SFMBT2: variants seen among roughly 807,000 people sequenced by gnomAD.
The protein encoded by SFMBT2 is scm-like with four MBT domains protein 2.
SFMBT2 carries 38 observed loss-of-function variants against 110.1 expected under a neutral mutation model. That is an observed-to-expected ratio of 0.35 (90% CI 0.27 to 0.45). SFMBT2 has a LOEUF of 0.45. Ranked by LOEUF, SFMBT2 falls within the 20% of genes least tolerant of loss-of-function variation. The pLI, the probability that SFMBT2 is intolerant of heterozygous loss-of-function variation, is 1.00. For missense variants in SFMBT2, 1,011 were observed against 1,094.9 expected (o/e 0.92, Z 1.08); for synonymous variants, 425 against 425.4 (o/e 1.00, Z 0.01).
At chr10:7,185,778 C>T (rs1838384117) in intron 16 of SFMBT2, among the ~76,000 whole-genome samples, 1 of 152,074 alleles carries the variant, frequency 6.6e-6, no homozygotes, top group Admixed American at 6.5e-5. Flanking sequence ...GATTCTGTAA[C>T]ATGCTGAAAA....
chr10:7,250,050 A>C (rs965969810), intron 7 of SFMBT2, among the ~76,000 whole-genome samples: 1 of 152,244 alleles, frequency 6.6e-6, no homozygotes, highest in African/African-American at 2.4e-5. Context: ...ATGCAGAAGG[A>C]AAAGTACAAG....
At chr10:7,340,454 A>T (rs949829861) in intron 4 of SFMBT2, among the ~76,000 whole-genome samples, 1 of 152,004 alleles carries the variant, frequency 6.6e-6, no homozygotes, top group African/African-American at 2.4e-5. Context: ...CTCCATCCCC[A>T]TTCCCCAGCT....
chr10:7,323,979 T>C (rs1051030870), intron 4 of SFMBT2, among the ~76,000 whole-genome samples: 5 of 152,216 alleles, frequency 3.3e-5, no homozygotes, highest in African/African-American at 1.2e-4. Context: ...TATATGGCTA[T>C]TTAAAATGTT....
chr10:7,295,164 GA>G (rs1302764356), intron 4 of SFMBT2: 4 of 152,116 alleles, frequency 2.6e-5, no homozygotes, highest in African/African-American at 9.7e-5. Context: ...ATCTTCCATA[GA>G]ATTATAATTC....
intron 7 of SFMBT2, among the ~76,000 whole-genome samples, chr10:7,272,462 G>A (rs1313507742): frequency 3.9e-5 from 6 of 152,186 alleles, no homozygotes; most frequent in Non-Finnish European, 5.9e-5. Context: ...AGATATGTCC[G>A]AAACCGGGGG....
At chr10:7,246,258 C>T in intron 8 of SFMBT2, 2 of 684,366 alleles carry the variant, frequency 2.9e-6, no homozygotes, top group African/African-American at 1.9e-5. Flanking sequence ...TCCCTCCCCT[C>T]AATAAGATCT....
intron 9 of SFMBT2, among the ~76,000 whole-genome samples, chr10:7,232,944 T>C (rs1428814374): frequency 6.6e-6 from 1 of 151,930 alleles, no homozygotes. Flanking sequence ...CTGGAGGAAG[T>C]GAATCAGGAC....
At chr10:7,221,714 C>G (rs1839747431) in intron 10 of SFMBT2, among the ~76,000 whole-genome samples, 1 of 151,344 alleles carries the variant, frequency 6.6e-6, no homozygotes, top group African/African-American at 2.4e-5. Flanking sequence ...TTGTTTATTG[C>G]TAATTTTGTT....
At position 7,317,589 on chromosome 10, in the gene SFMBT2, G is replaced by A. The variant is rs139040954; in HGVS notation, c.437-31635C>T. Among the ~76,000 whole-genome samples, 341 of 132,004 alleles carry A rather than the reference G, an allele frequency of 2.6e-3. No individual in the cohort carries two copies. In the Middle Eastern group the frequency reaches 0.031, roughly 12 times the overall value. 86.6% of individuals were successfully genotyped at this position (132,004 alleles called of 152,430 possible). On this transcript the variant is annotated intron_variant, in intron 4 of 20. Transcript: ENST00000397167. Reference sequence around the variant, plus strand: ...TCAGGAGGCGGAGGTTGCGGTGAGCGAAGATCATGCCACTGCACTCGAGCC... The same window carrying A: ...TCAGGAGGCGGAGGTTGCGGTGAGCAAAGATCATGCCACTGCACTCGAGCC...
intron 4 of SFMBT2, among the ~76,000 whole-genome samples, chr10:7,340,123 T>TA (rs1843845340): frequency 1.3e-5 from 2 of 152,222 alleles, no homozygotes; most frequent in African/African-American, 4.8e-5. Flanking sequence ...TGGGATTTGT[T>TA]ACGCTTGTAT....
chr10:7,403,568 G>A (rs978226203), intron 1 of SFMBT2, among the ~76,000 whole-genome samples: 2 of 152,150 alleles, frequency 1.3e-5, no homozygotes, highest in African/African-American at 4.8e-5. Flanking sequence ...CTTGAACCCA[G>A]GAGCCAGAGG....
chr10:7,270,303 G>A (rs1841541632), intron 7 of SFMBT2, among the ~76,000 whole-genome samples: 1 of 152,064 alleles, frequency 6.6e-6, no homozygotes, highest in Non-Finnish European at 1.5e-5. Flanking sequence ...GGGGAGTGTG[G>A]TCCTGCCGAC....
chr10:7,270,032 C>T (rs1310508662), intron 7 of SFMBT2, among the ~76,000 whole-genome samples: 1 of 152,028 alleles, frequency 6.6e-6, no homozygotes, highest in Non-Finnish European at 1.5e-5. Flanking sequence ...TTCATACTCA[C>T]CCAGAAGCTA....
chr10:7,408,230 G>A lies in SFMBT2; in HGVS notation c.-52+2631C>T, dbSNP rs1464962689. 1.3e-5 allele frequency among the ~76,000 whole-genome samples: 2 copies of A among 152,212 alleles called. No individual in the cohort carries two copies. The highest frequency in any genetic ancestry group is 1.9e-4 in the East Asian group (1 of 5,172). The stretch of plus-strand genomic sequence containing the variant: ...CGGGGCCCATGGGAAAGCCGGCCCC[G>A]GGAGGGCGCGCCCAAACGCAGGCTG... On this transcript the variant is annotated intron_variant, in intron 1 of 20. Transcript: ENST00000397167. The surrounding 1 kb of genome is among the most constrained non-coding windows in gnomAD (Gnocchi z 5.7).
rs111518444 is a variant in SFMBT2, at chr10:7,367,519, A to G, written c.436+130T>C. 2.0e-3 allele frequency: 2,862 copies of G among 1,423,830 alleles called. 47 individuals are homozygous for G. The African/African-American group carries it at 0.033, about 16-fold the overall frequency. The allele number at this position is 1,423,830 out of a possible 1,614,324, so 88.2% of individuals were successfully genotyped here. ...TAAGGAAACCTGAGAAACCACTCTG[A>G]AAGAACTGTGAGACCTTTGCACTAA... On this transcript the variant is annotated intron_variant, in intron 4 of 20. Coordinates refer to ENST00000397167, the MANE Select transcript of SFMBT2 (RefSeq NM_001387889.1). This position sits in a 1 kb window ranked among gnomAD's most constrained non-coding sequence, Gnocchi z 6.2.
In SFMBT2 at chr10:7,243,713, A is replaced by G. The variant is rs750281057; in HGVS notation, c.973-8T>C. ...AAAGTGATTGTTAAAAACCTAAAAG[A>G]AAAAAAATGGGGGAGCCAAAGGTTA... On this transcript the variant is annotated splice_region_variant and splice_polypyrimidine_tract_variant and intron_variant, in intron 8 of 20. Coordinates refer to ENST00000397167, the MANE Select transcript of SFMBT2 (RefSeq NM_001387889.1). 1.2e-6 allele frequency: 1 copy of G among 864,810 alleles called. No individual in the cohort carries two copies. Among genetic ancestry groups the G allele is most frequent in the Non-Finnish European group, 2.0e-6 (1 of 498,552 alleles). 53.6% of individuals were successfully genotyped at this position (864,810 alleles called of 1,614,324 possible).
At chr10:7,189,606 A>T (rs1351323141) in intron 15 of SFMBT2, among the ~76,000 whole-genome samples, 2 of 152,226 alleles carry the variant, frequency 1.3e-5, no homozygotes, top group Non-Finnish European at 2.9e-5. Flanking sequence ...AGAACGTGAG[A>T]GTGCAAAGCA....
chr10:7,245,836 G>A (rs1840589808), intron 8 of SFMBT2, among the ~76,000 whole-genome samples: 1 of 152,016 alleles, frequency 6.6e-6, no homozygotes, highest in Admixed American at 6.6e-5. Flanking sequence ...TTGTAACATC[G>A]TTTACATATT....
chr10:7,224,497 T>C (rs1839845089), intron 10 of SFMBT2, among the ~76,000 whole-genome samples: 1 of 152,156 alleles, frequency 6.6e-6, no homozygotes, highest in Admixed American at 6.5e-5. Flanking sequence ...TATATCACTC[T>C]CCCACATGTC....
Sources: allele counts gnomAD v4.1 joint callset (sites outside exome capture counted in the v4.1 genomes callset), GRCh38; gene constraint gnomAD v4.1.1; non-coding constraint Gnocchi (gnomAD v3.1); transcripts MANE v1.5; gene names NCBI Gene and HGNC (gene_info 2026-07-23, HGNC 2026-07-21).